The following CACNA1D variants were observed in gnomAD, a reference collection of about 807,000 sequenced individuals.
The protein encoded by CACNA1D is calcium voltage-gated channel subunit alpha1 D, also known as voltage-dependent L-type calcium channel subunit alpha-1D.
In CACNA1D, 55 loss-of-function variants were observed where a neutral mutation model predicts 257.1. The ratio of observed to expected loss-of-function variants is 0.21; its 90% CI spans 0.17 to 0.27. The LOEUF (loss-of-function observed/expected upper bound fraction) is 0.27. CACNA1D is among the 10% of genes least tolerant of loss of function. CACNA1D has a pLI of 1.00. For missense variants in CACNA1D, 1,876 were observed against 2,784.0 expected (o/e 0.67, Z 7.34); for synonymous variants, 980 against 1,014.9 (o/e 0.97, Z 0.65).
intron 3 of CACNA1D, among the ~76,000 whole-genome samples, chr3:53,584,135 G>A (rs1532069): frequency 0.018 from 2,744 of 152,116 alleles, 73 homozygotes; most frequent in East Asian, 0.13. Flanking sequence ...TATCTGGGCC[G>A]TTCTCTTTCA....
chr3:53,775,868 G>A lies in CACNA1D; in HGVS notation c.4203-18G>A, dbSNP rs761038405. 6.2e-7 allele frequency: 1 copy of A among 1,613,480 alleles called. No individual in the cohort carries two copies. Among genetic ancestry groups the A allele is most frequent in the Non-Finnish European group, 8.5e-7 (1 of 1,179,616 alleles). On this transcript the variant is annotated intron_variant, in intron 34 of 47. Coordinates refer to ENST00000350061, the MANE Select transcript of CACNA1D (RefSeq NM_001128840.3). ...TTCTTTCCCCCACTAAAGCCCCTTT[G>A]TTCTTCATCTGAAAAAGGTGTGCAA...
At chr3:53,772,640 G>C (rs1347834974) in intron 32 of CACNA1D, among the ~76,000 whole-genome samples, 193 bp from the exon 33 acceptor site, 1 of 152,248 alleles carries the variant, frequency 6.6e-6, no homozygotes, top group Non-Finnish European at 1.5e-5. Flanking sequence ...CGTGCATGTG[G>C]ATGGTGTCTT....
At chr3:53,648,255 G>A (rs1317983793) in intron 3 of CACNA1D, among the ~76,000 whole-genome samples, 1 of 152,058 alleles carries the variant, frequency 6.6e-6, no homozygotes, top group East Asian at 1.9e-4. Context: ...TGTAAAATCA[G>A]TGTGCTGTTT....
intron 3 of CACNA1D, among the ~76,000 whole-genome samples, chr3:53,507,992 G>C (rs1428768432): frequency 6.6e-6 from 1 of 152,048 alleles, no homozygotes; most frequent in Non-Finnish European, 1.5e-5. Context: ...GGGCTGAAAA[G>C]ATGTCACCAG....
chr3:53,701,882 A>G (rs1424815443), intron 8 of CACNA1D, among the ~76,000 whole-genome samples: 2 of 152,234 alleles, frequency 1.3e-5, no homozygotes, highest in African/African-American at 2.4e-5. Context: ...TTTCCAGGGC[A>G]GGTGTTCCTA....
intron 3 of CACNA1D, among the ~76,000 whole-genome samples, chr3:53,515,924 T>G (rs890202027): frequency 3.3e-5 from 5 of 152,206 alleles, no homozygotes; most frequent in African/African-American, 1.2e-4. Flanking sequence ...GCTCTGGCTC[T>G]CTCTCTCTTC....
At chr3:53,719,536 T>C (rs892211395) in intron 10 of CACNA1D, among the ~76,000 whole-genome samples, 1 of 152,210 alleles carries the variant, frequency 6.6e-6, no homozygotes, top group Non-Finnish European at 1.5e-5. Context: ...TGGCCGAGTC[T>C]TCCCTGACCT....
intron 33 of CACNA1D, chr3:53,773,263 A>AG: frequency 4.3e-6 from 1 of 232,698 alleles, no homozygotes; most frequent in Non-Finnish European, 8.5e-6. Context: ...CCGTCGCGGG[A>AG]ACAGAAGGCT....
chr3:53,749,946 G>C (rs115489422), intron 27 of CACNA1D, among the ~76,000 whole-genome samples: 271 of 152,282 alleles, frequency 1.8e-3, no homozygotes, highest in African/African-American at 4.9e-3. Flanking sequence ...GCTTCCAGCT[G>C]TTAGATGCCA....
intron 38 of CACNA1D, among the ~76,000 whole-genome samples, chr3:53,781,083 G>T (rs1481388937): frequency 2.0e-5 from 3 of 152,344 alleles, no homozygotes; most frequent in Middle Eastern, 6.8e-3. Flanking sequence ...TAGTTGAAAA[G>T]ACAAGTGTCA....
intron 8 of CACNA1D, among the ~76,000 whole-genome samples, chr3:53,700,092 A>G (rs2094608872): frequency 6.7e-6 from 1 of 148,210 alleles, no homozygotes; most frequent in Non-Finnish European, 1.5e-5. Flanking sequence ...TAAAAATAAA[A>G]TATAATTATA....
intron 7 of CACNA1D, among the ~76,000 whole-genome samples, chr3:53,671,323 C>T (rs11130376): frequency 0.13 from 19,078 of 152,076 alleles, 1,481 homozygotes; most frequent in Middle Eastern, 0.27. Flanking sequence ...GACCTGTCTG[C>T]CCTCCCGTCA....
intron 5 of CACNA1D, among the ~76,000 whole-genome samples, chr3:53,664,394 T>C (rs1475683413): frequency 1.3e-5 from 2 of 152,206 alleles, no homozygotes; most frequent in African/African-American, 4.8e-5. Flanking sequence ...TTGAACTACC[T>C]CTCTGTGTGT....
At chr3:53,735,833 C>T (rs779022177) in intron 20 of CACNA1D, among the ~76,000 whole-genome samples, 1 of 152,214 alleles carries the variant, frequency 6.6e-6, no homozygotes, top group Non-Finnish European at 1.5e-5. Flanking sequence ...TTTACACTCA[C>T]CCCTGTTTTG....
Position 53,699,616 on chromosome 3 carries a change from C to G in CACNA1D, c.1221-3025C>G, listed in dbSNP as rs114513688. ...TCACAGGGACTCTACCTCCCTGCCC[C>G]CTTCCTCCATCCTGCCCTGTGGCCA... On this transcript the variant is annotated intron_variant, in intron 8 of 47. Coordinates refer to ENST00000350061, the MANE Select transcript of CACNA1D (RefSeq NM_001128840.3). Among the ~76,000 whole-genome samples, 1,377 of 152,318 alleles carry G rather than the reference C, an allele frequency of 9.0e-3. 16 individuals carry two copies. The highest frequency in any genetic ancestry group is 0.03 in the African/African-American group (1,256 of 41,550).
intron 2 of CACNA1D, among the ~76,000 whole-genome samples, chr3:53,500,886 T>C (rs760707448): frequency 2.1e-4 from 32 of 152,288 alleles, no homozygotes; most frequent in Non-Finnish European, 4.4e-4. Context: ...CTGGTGCTGA[T>C]TTCTTATGGC....
At chr3:53,693,555 C>A (rs1409099438) in intron 8 of CACNA1D, among the ~76,000 whole-genome samples, 5 of 148,464 alleles carry the variant, frequency 3.4e-5, no homozygotes, top group African/African-American at 1.2e-4. Flanking sequence ...CAAAAAAGTT[C>A]TTTGAATCAA....
chr3:53,722,260 G>T, intron 11 of CACNA1D, 54 bp from the exon 12 acceptor site: 5 of 1,596,062 alleles, frequency 3.1e-6, no homozygotes, highest in Non-Finnish European at 4.3e-6. Flanking sequence ...ATATTTATTG[G>T]ATACTCAGAT....
At chr3:53,522,143 A>G (rs73840111) in intron 3 of CACNA1D, among the ~76,000 whole-genome samples, 48,739 of 151,920 alleles carry the variant, frequency 0.32, 7,915 homozygotes, top group African/African-American at 0.36. Context: ...GGGAAAAAAA[A>G]CCACATTTCC....
Sources: gnomAD v4.1 joint callset for allele counts (sites outside exome capture counted in the v4.1 genomes callset) on GRCh38, gnomAD v4.1.1 for gene constraint, MANE v1.5 for transcripts, NCBI Gene and HGNC (gene_info 2026-07-23, HGNC 2026-07-21) for gene names.